PIK3AP1: variants seen among roughly 807,000 people sequenced by gnomAD.
PIK3AP1 encodes the protein phosphoinositide 3-kinase adapter protein 1.
PIK3AP1 carries 21 observed loss-of-function variants against 88.1 expected under a neutral mutation model. The observed-to-expected ratio is 0.24, with a 90% CI of 0.17 to 0.34. The LOEUF (loss-of-function observed/expected upper bound fraction) is 0.34, where lower values mean the gene tolerates loss of function less well. Among genes scored for constraint, PIK3AP1 ranks in the 10% least tolerant of loss-of-function variants. The probability of loss-of-function intolerance (pLI) is 1.00; values close to 1 mark genes in which losing one functional copy is unlikely to be tolerated. For synonymous variants in PIK3AP1, 398 were observed against 400.0 expected, an observed-to-expected ratio of 1.00 and a Z score of 0.06; for missense variants, 828 against 1,035.7, an observed-to-expected ratio of 0.80 and a Z score of 2.75.
intron 8 of PIK3AP1, among the ~76,000 whole-genome samples, chr10:96,641,468 A>T (rs1843388553): frequency 6.6e-6 from 1 of 152,182 alleles, no homozygotes; most frequent in African/African-American, 2.4e-5. Context: ...GAATGAACAC[A>T]GCCTAATTTC....
intron 16 of PIK3AP1, among the ~76,000 whole-genome samples, chr10:96,599,613 T>G (rs530166376): frequency 2.0e-5 from 3 of 152,140 alleles, no homozygotes; most frequent in Non-Finnish European, 4.4e-5. Context: ...CAGTGGAGTC[T>G]AGGACACCAA....
At position 96,656,855 on chromosome 10, in the gene PIK3AP1, C is replaced by T. The variant is rs761536697; in HGVS notation, c.510G>A (p.Pro170=). The T allele has an allele frequency of 9.9e-6, 16 of 1,614,044 alleles. No homozygotes were observed. The highest frequency in any genetic ancestry group is 1.2e-5 in the Non-Finnish European group (14 of 1,180,054). ...TCAGGTTCCCAGGTGAAGTCACCGT[C>T]GGCAGGTTCTGCTGCTTCGAGTAGG... ...VVSYSKQQNL[P]TVTSPGNLMV... The change falls in exon 3 of 17, where the codon CCG becomes CCA. Residue 170 remains proline, a synonymous_variant. Transcript: ENST00000339364.
At chr10:96,597,585 C>T (rs920165152) in intron 16 of PIK3AP1, among the ~76,000 whole-genome samples, 3 of 152,000 alleles carry the variant, frequency 2.0e-5, no homozygotes, top group African/African-American at 4.8e-5. Context: ...ATAGCATAGA[C>T]ATTTATGCAT....
At chr10:96,623,374 A>G (rs1365232882) in intron 11 of PIK3AP1, 98 bp downstream of exon 11, 6 of 1,218,386 alleles carry the variant, frequency 4.9e-6, no homozygotes, top group Non-Finnish European at 7.1e-6. Flanking sequence ...AGATCCCTCT[A>G]TTTTTCAATG....
Position 96,648,768 on chromosome 10 carries a change from G to T in PIK3AP1, c.1076C>A (p.Pro359Gln). The change falls in exon 7 of 17, where the codon CCA becomes CAA. Residue 359 changes from proline to glutamine, a missense_variant. Physicochemically the swap from Pro to Gln is moderately conservative, Grantham distance 76. Coordinates refer to ENST00000339364, the MANE Select transcript of PIK3AP1 (RefSeq NM_152309.3). ...KNLTALLLTC[P>Q]GALQAYSVAN... ...CACGCTGTACGCCTGCAGGGCTCCT[G>T]GGCAGGTGAGCAACAAGGCAGTGAG... is the stretch of plus-strand genomic sequence containing the variant. 6.2e-7 allele frequency: 1 copy of T among 1,609,932 alleles called. No homozygotes were observed. Among genetic ancestry groups the T allele is most frequent in the Non-Finnish European group, 8.5e-7 (1 of 1,178,432 alleles).
At chr10:96,666,604 C>T (rs1399814656) in intron 2 of PIK3AP1, among the ~76,000 whole-genome samples, 1 of 152,094 alleles carries the variant, frequency 6.6e-6, no homozygotes, top group East Asian at 1.9e-4. Flanking sequence ...TTTGGACCCA[C>T]AACTAAGCTA....
chr10:96,681,955 T>G (rs569035156), intron 2 of PIK3AP1, among the ~76,000 whole-genome samples: 1 of 151,664 alleles, frequency 6.6e-6, no homozygotes, highest in Non-Finnish European at 1.5e-5. Flanking sequence ...CTCACTCTTA[T>G]AGACTTTAAA....
intron 2 of PIK3AP1, among the ~76,000 whole-genome samples, chr10:96,706,094 C>T (rs1844360485): frequency 6.6e-6 from 1 of 151,816 alleles, no homozygotes; most frequent in Non-Finnish European, 1.5e-5. Flanking sequence ...AGGGTTTCAC[C>T]GTGTTAGCCA....
intron 8 of PIK3AP1, among the ~76,000 whole-genome samples, chr10:96,634,797 A>T (rs1260231267): frequency 6.6e-6 from 1 of 152,206 alleles, no homozygotes; most frequent in Non-Finnish European, 1.5e-5. Context: ...TGTGGCTCAG[A>T]AGTCTGAAAT....
chr10:96,625,207 G>T (rs924156155), intron 10 of PIK3AP1, among the ~76,000 whole-genome samples: 2 of 152,198 alleles, frequency 1.3e-5, no homozygotes, highest in African/African-American at 2.4e-5. Flanking sequence ...GGCACTGGTT[G>T]AGGGCAGCAA....
chr10:96,597,012 G>A (rs1848766270), intron 16 of PIK3AP1, among the ~76,000 whole-genome samples: 1 of 152,174 alleles, frequency 6.6e-6, no homozygotes, highest in African/African-American at 2.4e-5. Context: ...GCAAGAGAGG[G>A]AGGCAGGAGC....
Position 96,595,268 on chromosome 10 carries a change from ATT to A in PIK3AP1, c.*307_*308del, listed in dbSNP as rs1278435865. 2 of 366,030 alleles carry A rather than the reference ATT, an allele frequency of 5.5e-6. No individual in the cohort carries two copies. Among genetic ancestry groups the A allele is most frequent in the Non-Finnish European group, 9.9e-6 (2 of 201,118 alleles). 22.7% of individuals were successfully genotyped at this position (366,030 alleles called of 1,614,324 possible). A position where few individuals can be genotyped will look rare whatever the true frequency, so the allele number is the denominator to read the frequency against. ...TCACTGGTGAAGTACATTTATGATC[ATT>A]CTTTTTAGGCTTCTGATATGGCAAA... is the stretch of plus-strand genomic sequence containing the variant. On this transcript the variant is annotated 3_prime_UTR_variant, in exon 17 of 17. Coordinates refer to ENST00000339364, the MANE Select transcript of PIK3AP1 (RefSeq NM_152309.3).
intron 2 of PIK3AP1, among the ~76,000 whole-genome samples, chr10:96,686,276 C>G (rs1844066830): frequency 6.6e-6 from 1 of 152,186 alleles, no homozygotes; most frequent in Non-Finnish European, 1.5e-5. Context: ...CAACAGCCAG[C>G]CAACTAAACA....
At chr10:96,637,743 C>A (rs1364426720) in intron 8 of PIK3AP1, among the ~76,000 whole-genome samples, 1 of 152,088 alleles carries the variant, frequency 6.6e-6, no homozygotes, top group African/African-American at 2.4e-5. Context: ...TAGAAAAGAT[C>A]CACCCTCAAG....
Position 96,720,422 on chromosome 10 carries a change from C to T in PIK3AP1, c.-28G>A. On this transcript the variant is annotated 5_prime_UTR_variant, in exon 1 of 17. Transcript: ENST00000339364. This position sits in a 1 kb window ranked among gnomAD's most constrained non-coding sequence, Gnocchi z 4.6. The stretch of plus-strand genomic sequence containing the variant: ...CGCGGGGCGCCGCTCACATCCCTGG[C>T]TCGCTGCGTGCCCGGGGCCGGGACC... 1 of 1,234,120 alleles carries T rather than the reference C, an allele frequency of 8.1e-7. No individual in the cohort carries two copies. The highest frequency in any genetic ancestry group is 1.0e-6 in the Non-Finnish European group (1 of 985,390). The allele number at this position is 1,234,120 out of a possible 1,614,324, so 76.4% of individuals were successfully genotyped here. A position where few individuals can be genotyped will look rare whatever the true frequency, so the allele number is the denominator to read the frequency against.
intron 14 of PIK3AP1, among the ~76,000 whole-genome samples, chr10:96,608,816 G>T (rs1849049599): frequency 6.6e-6 from 1 of 152,236 alleles, no homozygotes. Context: ...GCGTTATGGG[G>T]TTCTCTGCCC....
In PIK3AP1 at chr10:96,648,721, G is replaced by A; in HGVS notation, c.1123C>T (p.Pro375Ser). 6.2e-7 allele frequency: 1 copy of A among 1,610,790 alleles called. No homozygotes were observed. The highest frequency in any genetic ancestry group is 8.5e-7 in the Non-Finnish European group (1 of 1,178,762). The change falls in exon 7 of 17, where the codon CCC (proline) becomes TCC (serine). Residue 375 changes from proline (P) to serine (S), a missense_variant. Transcript: ENST00000339364. ...CCGTGTTTCTCAGCGATGGTGTTGG[G>A]GTAGTGGCCATGCTTGTTGGCCACG... is the stretch of plus-strand genomic sequence containing the variant. ...YSVANKHGHY[P>S]NTIAEKHGFR...
At chr10:96,596,276 C>G (rs1848751273) in intron 16 of PIK3AP1, among the ~76,000 whole-genome samples, 1 of 152,112 alleles carries the variant, frequency 6.6e-6, no homozygotes, top group Non-Finnish European at 1.5e-5. Flanking sequence ...TAAATCTTAC[C>G]CAGGCTCACC....
At chr10:96,604,210 G>A (rs1848960230) in intron 14 of PIK3AP1, among the ~76,000 whole-genome samples, 161 bp from the exon 15 acceptor site, 1 of 152,052 alleles carries the variant, frequency 6.6e-6, no homozygotes, top group East Asian at 1.9e-4. Flanking sequence ...TGTTTTCTTA[G>A]AGACAAGGTC....
Sources: allele counts gnomAD v4.1 joint callset (sites outside exome capture counted in the v4.1 genomes callset), GRCh38; gene constraint gnomAD v4.1.1; non-coding constraint Gnocchi (gnomAD v3.1); transcripts MANE v1.5; gene names NCBI Gene and HGNC (gene_info 2026-07-23, HGNC 2026-07-21).